Variants in DENND5B observed in about 807,000 individuals in gnomAD.
The protein encoded by DENND5B is DENN domain containing 5B, also known as DENN domain-containing protein 5B.
In DENND5B, 34 loss-of-function variants were observed where a neutral mutation model predicts 140.6. The observed-to-expected ratio is 0.24, with a 90% CI of 0.18 to 0.32. The LOEUF (loss-of-function observed/expected upper bound fraction) is 0.32. Among genes scored for constraint, DENND5B ranks in the 10% least tolerant of loss-of-function variants. The probability of loss-of-function intolerance (pLI) is 1.00; values close to 1 mark genes in which losing one functional copy is unlikely to be tolerated. For missense variants in DENND5B, 1,142 were observed against 1,560.2 expected (o/e 0.73, Z 4.52); for synonymous variants, 551 against 562.1 (o/e 0.98, Z 0.28).
rs1489353225 is a variant in DENND5B at position 31,544,832 on chromosome 12, C to T, written c.127+45874G>A. Among the ~76,000 whole-genome samples the T allele has an allele frequency of 4.6e-5, 7 of 151,882 alleles. No homozygotes were observed. The South Asian group carries it at 1.3e-3, about 27-fold the overall frequency. On this transcript the variant is annotated intron_variant, in intron 1 of 20. Coordinates refer to ENST00000389082, the MANE Select transcript of DENND5B (RefSeq NM_144973.4). Reference sequence around the variant, plus strand: ...CCACTAATAAAATATTTATTCTTTCCCCCAAAGAATGTTGAACCTGAATCT... The same window carrying T: ...CCACTAATAAAATATTTATTCTTTCTCCCAAAGAATGTTGAACCTGAATCT...
At chr12:31,400,166 C>A (rs1941716520) in intron 15 of DENND5B, among the ~76,000 whole-genome samples, 1 of 152,100 alleles carries the variant, frequency 6.6e-6, no homozygotes. Flanking sequence ...GATTTTGTTA[C>A]AAAGAGGTCA....
intron 4 of DENND5B, among the ~76,000 whole-genome samples, chr12:31,456,806 C>A (rs1028941244): frequency 8.5e-5 from 13 of 152,280 alleles, no homozygotes; most frequent in Non-Finnish European, 1.3e-4. Flanking sequence ...TCCCTCTGGG[C>A]CAGATGCTGT....
Position 31,430,564 on chromosome 12 carries a change from G to A in DENND5B, c.2106+2591C>T, listed in dbSNP as rs1349545621. 2.7e-5 allele frequency among the ~76,000 whole-genome samples: 4 copies of A among 150,698 alleles called. No individual in the cohort carries two copies. In the East Asian group the frequency reaches 7.8e-4, roughly 30 times the overall value. On this transcript the variant is annotated intron_variant, in intron 8 of 20. Transcript: ENST00000389082. ...TACGTGCCTGTAGTCCCAGCTACTT[G>A]GGAGGCCTAGGCAGGAAGATCAGGA...
chr12:31,589,828 G>C (rs1208418705), intron 1 of DENND5B: 1 of 152,136 alleles, frequency 6.6e-6, no homozygotes, highest in South Asian at 2.1e-4. Context: ...GTTTCTCCCC[G>C]GCCTCCTCTC....
intron 8 of DENND5B, among the ~76,000 whole-genome samples, chr12:31,430,079 G>A (rs1385064282): frequency 1.3e-5 from 2 of 151,840 alleles, no homozygotes; most frequent in Non-Finnish European, 2.9e-5. Context: ...CTGGAGTGCA[G>A]CGGCATGATC....
chr12:31,434,057 C>T (rs2137854456), intron 7 of DENND5B, among the ~76,000 whole-genome samples: 1 of 152,304 alleles, frequency 6.6e-6, no homozygotes, highest in Non-Finnish European at 1.5e-5. Flanking sequence ...AAGGGTTGTA[C>T]TCAAAGACCA....
chr12:31,529,640 C>T (rs1948211534), intron 1 of DENND5B, among the ~76,000 whole-genome samples: 1 of 151,928 alleles, frequency 6.6e-6, no homozygotes, highest in African/African-American at 2.4e-5. Flanking sequence ...GCCCGGGCAA[C>T]ATGGTGAAAC....
chr12:31,467,243 G>C (rs1003826935), intron 3 of DENND5B, among the ~76,000 whole-genome samples: 1 of 151,960 alleles, frequency 6.6e-6, no homozygotes, highest in Non-Finnish European at 1.5e-5. Context: ...GCTATCTCAG[G>C]AAAGGAACTT....
intron 1 of DENND5B, among the ~76,000 whole-genome samples, chr12:31,573,567 A>G (rs3850967): frequency 0.15 from 22,182 of 152,278 alleles, 1,869 homozygotes; most frequent in Non-Finnish European, 0.19. Flanking sequence ...TTGCTTAGAG[A>G]TTTCATTCCA....
At chr12:31,417,909 C>T (rs1335963171) in intron 11 of DENND5B, among the ~76,000 whole-genome samples, 1 of 152,118 alleles carries the variant, frequency 6.6e-6, no homozygotes, top group African/African-American at 2.4e-5. Flanking sequence ...ATTCATTCTA[C>T]TTTGGGGGGC....
rs745504829 is a variant in DENND5B, at chr12:31,452,491, T to C, written c.1093-15A>G. On this transcript the variant is annotated splice_polypyrimidine_tract_variant and intron_variant, in intron 4 of 20. Transcript: ENST00000389082. Reference sequence around the variant, plus strand: ...CACAAATTAGCCTGAAAGAGAAAAATGAAATACAAAGGTTTAAAATAAAGG... The same window carrying C: ...CACAAATTAGCCTGAAAGAGAAAAACGAAATACAAAGGTTTAAAATAAAGG... 11 of 1,574,708 alleles carry C rather than the reference T, an allele frequency of 7.0e-6. No individual in the cohort carries two copies. Among genetic ancestry groups the C allele is most frequent in the Non-Finnish European group, 9.4e-6 (11 of 1,164,264 alleles).
intron 19 of DENND5B, among the ~76,000 whole-genome samples, chr12:31,391,519 T>C (rs1453499941): frequency 1.3e-5 from 2 of 152,252 alleles, no homozygotes; most frequent in Non-Finnish European, 2.9e-5. Flanking sequence ...GAGTATAAGT[T>C]TGTCAACCAT....
intron 2 of DENND5B, among the ~76,000 whole-genome samples, chr12:31,489,862 G>A (rs964391873): frequency 2.0e-5 from 3 of 152,164 alleles, no homozygotes; most frequent in Admixed American, 6.5e-5. Flanking sequence ...GAAGTCTGAA[G>A]GAATAGTAAG....
intron 1 of DENND5B, among the ~76,000 whole-genome samples, chr12:31,538,296 CTG>C (rs757428437): frequency 2.0e-5 from 3 of 151,986 alleles, no homozygotes; most frequent in Non-Finnish European, 4.4e-5. Context: ...TTTAAAAAAA[CTG>C]AAATAATATA....
At chr12:31,564,421 CAGA>C (rs1790112199) in intron 1 of DENND5B, among the ~76,000 whole-genome samples, 3 of 151,888 alleles carry the variant, frequency 2.0e-5, no homozygotes, top group Admixed American at 1.3e-4. Context: ...ATGAATATTT[CAGA>C]AGAATAATGA....
At chr12:31,574,952 G>A (rs922219353) in intron 1 of DENND5B, among the ~76,000 whole-genome samples, 12 of 152,160 alleles carry the variant, frequency 7.9e-5, no homozygotes, top group Middle Eastern at 3.2e-3. Flanking sequence ...CACCTCAAGG[G>A]TACCAATGCC....
At chr12:31,589,982 A>T (rs1208532802) in intron 1 of DENND5B, 1 of 152,272 alleles carries the variant, frequency 6.6e-6, no homozygotes, top group Non-Finnish European at 1.5e-5. Context: ...AAAACCAGGC[A>T]CTAACACACG....
chr12:31,551,635 ATCTATAAATTACCTTGGGCAG>A (rs1439143345), intron 1 of DENND5B, among the ~76,000 whole-genome samples: 1 of 152,120 alleles, frequency 6.6e-6, no homozygotes, highest in Non-Finnish European at 1.5e-5. Flanking sequence ...ATGGCATTGA[ATCTATAAATTACCTTGGGCAG>A]TATGGCCATT....
intron 1 of DENND5B, among the ~76,000 whole-genome samples, chr12:31,541,453 G>A (rs1406654751): frequency 1.3e-5 from 2 of 152,172 alleles, no homozygotes; most frequent in African/African-American, 4.8e-5. Context: ...ACGAAAAGCT[G>A]CTCAACATCA....
Sources: allele counts gnomAD v4.1 joint callset (sites outside exome capture counted in the v4.1 genomes callset), GRCh38; gene constraint gnomAD v4.1.1; transcripts MANE v1.5; gene names NCBI Gene and HGNC (gene_info 2026-07-23, HGNC 2026-07-21).